CCSER1: variants seen among roughly 807,000 people sequenced by gnomAD.
CCSER1 encodes the protein coiled-coil serine rich protein 1, also known as serine-rich coiled-coil domain-containing protein 1.
Under a neutral mutation model 82.0 loss-of-function variants are expected in CCSER1, and 41 were observed. The observed-to-expected ratio is 0.50, with a 90% confidence interval of 0.39 to 0.65. The LOEUF is 0.65. Ranked by LOEUF, CCSER1 falls within the 30% of genes least tolerant of loss-of-function variation. CCSER1 has a pLI of 0.00. For missense variants in CCSER1, 1,119 were observed against 1,064.2 expected (o/e 1.05, Z -0.72); for synonymous variants, 414 against 383.9 (o/e 1.08, Z -0.92).
chr4:90,145,119 G>C (rs1172905890), intron 1 of CCSER1, among the ~76,000 whole-genome samples: 1 of 152,040 alleles, frequency 6.6e-6, no homozygotes, highest in Non-Finnish European at 1.5e-5. Flanking sequence ...TTGCTTTATA[G>C]ATGACATTTG....
chr4:91,261,613 T>C (rs17018279), intron 10 of CCSER1, among the ~76,000 whole-genome samples: 33,568 of 152,030 alleles, frequency 0.22, 4,275 homozygotes, highest in East Asian at 0.34. Context: ...CTTGTAACTT[T>C]TGTGAATATT....
chr4:90,561,938 A>T (rs1778803918), intron 5 of CCSER1, among the ~76,000 whole-genome samples: 1 of 152,190 alleles, frequency 6.6e-6, no homozygotes, highest in African/African-American at 2.4e-5. Flanking sequence ...CTGTAATCCC[A>T]GCACTTTGGG....
At chr4:91,403,479 C>T (rs1752478377) in intron 10 of CCSER1, among the ~76,000 whole-genome samples, 1 of 152,126 alleles carries the variant, frequency 6.6e-6, no homozygotes, top group South Asian at 2.1e-4. Context: ...TGCCAGTTTT[C>T]AAAGGGAATG....
chr4:90,496,971 C>CAAAAAAAAAAAAAAAAAAAA (rs771281710), intron 5 of CCSER1, among the ~76,000 whole-genome samples: 8 of 55,208 alleles, frequency 1.4e-4, no homozygotes, highest in African/African-American at 2.8e-4. Context: ...AGCGAGACTA[C>CAAAAAAAAAAAAAAAAAAAA]AAAAAAAAAA....
chr4:91,123,593 C>G (rs546889125), intron 10 of CCSER1, among the ~76,000 whole-genome samples: 1 of 151,776 alleles, frequency 6.6e-6, no homozygotes, highest in African/African-American at 2.4e-5. Flanking sequence ...TAAATTCTGA[C>G]TTTGATTCTG....
chr4:91,520,152 T>G (rs961620977), intron 10 of CCSER1, among the ~76,000 whole-genome samples: 1 of 152,204 alleles, frequency 6.6e-6, no homozygotes, highest in Non-Finnish European at 1.5e-5. Flanking sequence ...CTGTACTAAT[T>G]TATTTCCTTT....
chr4:91,229,288 CAA>C (rs59877595), intron 10 of CCSER1, among the ~76,000 whole-genome samples: 66,719 of 138,100 alleles, frequency 0.48, 15,884 homozygotes, highest in East Asian at 0.86. Flanking sequence ...CAAAAACCTG[CAA>C]AAAAAAAAAA....
At chr4:90,192,991 T>G (rs13103611) in intron 1 of CCSER1, among the ~76,000 whole-genome samples, 47,450 of 151,990 alleles carry the variant, frequency 0.31, 8,775 homozygotes, top group Non-Finnish European at 0.42. Context: ...ATAAATTTTA[T>G]TAGGATTCCT....
At chr4:91,487,921 T>C (rs951872394) in intron 10 of CCSER1, among the ~76,000 whole-genome samples, 1 of 152,040 alleles carries the variant, frequency 6.6e-6, no homozygotes, top group African/African-American at 2.4e-5. Flanking sequence ...TGAAATGTTA[T>C]ATTTTTATTC....
At chr4:91,367,782 C>T (rs998459683) in intron 10 of CCSER1, among the ~76,000 whole-genome samples, 2 of 152,160 alleles carry the variant, frequency 1.3e-5, no homozygotes, top group African/African-American at 4.8e-5. Context: ...TGATCACATG[C>T]CAACCAGCCA....
At chr4:90,634,835 A>G (rs1725130714) in intron 6 of CCSER1, among the ~76,000 whole-genome samples, 1 of 151,838 alleles carries the variant, frequency 6.6e-6, no homozygotes, top group Non-Finnish European at 1.5e-5. Flanking sequence ...CTTTATGTTT[A>G]TTTATTTATT....
At position 91,098,524 on chromosome 4, in the gene CCSER1, C is replaced by G. The variant is rs571618417; in HGVS notation, c.2217+12530C>G. On this transcript the variant is annotated intron_variant, in intron 10 of 10. Transcript: ENST00000509176. ...AAGCAAAGTCACTCTTTTCTCTTGC[C>G]CAAAAGATCACTGGAGATAATTTTT... Among the ~76,000 whole-genome samples, 6 of 152,056 alleles carry G rather than the reference C, an allele frequency of 3.9e-5. No individual in the cohort carries two copies. In the South Asian group the frequency reaches 1.2e-3, roughly 32 times the overall value.
chr4:91,397,456 C>T (rs1038819926), intron 10 of CCSER1, among the ~76,000 whole-genome samples: 3 of 152,050 alleles, frequency 2.0e-5, no homozygotes, highest in African/African-American at 7.2e-5. Flanking sequence ...GCCTGGGCAA[C>T]CCATGCATTC....
chr4:90,509,684 T>G (rs1259539061), intron 5 of CCSER1, among the ~76,000 whole-genome samples: 1 of 152,106 alleles, frequency 6.6e-6, no homozygotes, highest in South Asian at 2.1e-4. Context: ...TCACAATTAT[T>G]TCCTGATTTT....
intron 10 of CCSER1, among the ~76,000 whole-genome samples, chr4:91,391,900 A>G (rs919864878): frequency 2.0e-5 from 3 of 152,086 alleles, no homozygotes; most frequent in African/African-American, 7.2e-5. Flanking sequence ...TAGGAACTTG[A>G]AAAGTTGAAA....
chr4:90,523,772 C>T (rs562108331), intron 5 of CCSER1, among the ~76,000 whole-genome samples: 116 of 151,812 alleles, frequency 7.6e-4, no homozygotes, highest in Middle Eastern at 6.8e-3. Context: ...CTGAAAAGTA[C>T]GAAGATTTCC....
At chr4:91,569,061 C>T (rs1421036663) in intron 10 of CCSER1, among the ~76,000 whole-genome samples, 2 of 152,106 alleles carry the variant, frequency 1.3e-5, no homozygotes, top group Admixed American at 6.6e-5. Flanking sequence ...TATGTAGGGC[C>T]TTTATTTGAA....
At position 90,366,155 on chromosome 4, in the gene CCSER1, A is replaced by G. The variant is rs1578132872; in HGVS notation, c.1510-33881A>G. Among the ~76,000 whole-genome samples, 3 of 151,922 alleles carry G rather than the reference A, an allele frequency of 2.0e-5. No individual in the cohort carries two copies. In the South Asian group the frequency reaches 6.2e-4, roughly 31 times the overall value. Reference sequence around the variant, plus strand: ...AAATAATAGCAATAGCATATCTATCATGACATTATATTCATGTTATTCTTA... The same window carrying G: ...AAATAATAGCAATAGCATATCTATCGTGACATTATATTCATGTTATTCTTA... On this transcript the variant is annotated intron_variant, in intron 3 of 10. Coordinates refer to ENST00000509176, the MANE Select transcript of CCSER1 (RefSeq NM_001145065.2).
intron 9 of CCSER1, among the ~76,000 whole-genome samples, chr4:91,070,227 G>C (rs1404347030): frequency 1.3e-5 from 2 of 152,036 alleles, no homozygotes; most frequent in Non-Finnish European, 2.9e-5. Context: ...CTTGTGATCT[G>C]CCTGCCTTGG....
Sources: allele counts gnomAD v4.1 joint callset (sites outside exome capture counted in the v4.1 genomes callset), GRCh38; gene constraint gnomAD v4.1.1; transcripts MANE v1.5; gene names NCBI Gene and HGNC (gene_info 2026-07-23, HGNC 2026-07-21).